Variants in RIT2 observed in about 807,000 individuals in gnomAD.
The protein encoded by RIT2 is GTP-binding protein Rit2.
Under a neutral mutation model 23.7 loss-of-function variants are expected in RIT2, and 24 were observed. The ratio of observed to expected loss-of-function variants is 1.01; its 90% CI spans 0.73 to 1.43. The LOEUF (loss-of-function observed/expected upper bound fraction) is 1.43. Among genes scored for constraint, RIT2 ranks in the 40% most tolerant of loss-of-function variants. The pLI is 0.00. For missense variants in RIT2, 236 were observed against 266.9 expected (o/e 0.88, Z 0.81); for synonymous variants, 107 against 91.1 (o/e 1.17, Z -0.99).
intron 4 of RIT2, among the ~76,000 whole-genome samples, chr18:42,804,529 T>C (rs906970677): frequency 7.9e-6 from 1 of 126,840 alleles, no homozygotes; most frequent in Non-Finnish European, 1.5e-5. Context: ...CACTCCAGCC[T>C]GGGCGACAAG....
chr18:42,927,369 GGTGTGTGTGTGTGT>G (rs60819423), intron 3 of RIT2, among the ~76,000 whole-genome samples: 2 of 147,834 alleles, frequency 1.4e-5, no homozygotes, highest in African/African-American at 2.5e-5. Context: ...ATGTGGATGT[GGTGTGTGTGTGTGT>G]GTGTGTGTGT....
chr18:42,995,864 C>T (rs144200519), intron 2 of RIT2, among the ~76,000 whole-genome samples: 2,059 of 152,272 alleles, frequency 0.014, 28 homozygotes, highest in East Asian at 0.054. Flanking sequence ...AGTCATACTC[C>T]TATTCACCAT....
At position 42,850,877 on chromosome 18, in the gene RIT2, A is replaced by G. The variant is rs566693680; in HGVS notation, c.426+72695T>C. Reference sequence around the variant, plus strand: ...ATCTCTGAAATTACTGTCACAACACATTAGGCATTCTCTTTATGACTTTGT... The same window carrying G: ...ATCTCTGAAATTACTGTCACAACACGTTAGGCATTCTCTTTATGACTTTGT... On this transcript the variant is annotated intron_variant, in intron 4 of 4. Coordinates refer to ENST00000326695, the MANE Select transcript of RIT2 (RefSeq NM_002930.4). 2.0e-5 allele frequency among the ~76,000 whole-genome samples: 3 copies of G among 152,244 alleles called. No homozygotes were observed. The East Asian group carries it at 5.8e-4, about 29-fold the overall frequency.
At chr18:42,985,181 TA>T (rs1177477443) in intron 2 of RIT2, among the ~76,000 whole-genome samples, 1 of 151,998 alleles carries the variant, frequency 6.6e-6, no homozygotes, top group Non-Finnish European at 1.5e-5. Flanking sequence ...TACCATAATA[TA>T]AAAAATTATC....
At chr18:42,752,819 T>C (rs146378661) in intron 4 of RIT2, among the ~76,000 whole-genome samples, 11 of 152,260 alleles carry the variant, frequency 7.2e-5, no homozygotes, top group African/African-American at 2.2e-4. Flanking sequence ...TTGATGCAGA[T>C]ATCATTATAC....
At chr18:42,839,701 G>T (rs1461034006) in intron 4 of RIT2, among the ~76,000 whole-genome samples, 1 of 152,122 alleles carries the variant, frequency 6.6e-6, no homozygotes, top group East Asian at 1.9e-4. Context: ...TAATATTACT[G>T]TGGCCAGATA....
intron 1 of RIT2, among the ~76,000 whole-genome samples, chr18:43,098,150 AT>A: frequency 6.6e-6 from 1 of 151,976 alleles, no homozygotes; most frequent in Non-Finnish European, 1.5e-5. Flanking sequence ...GGTTCCTTAA[AT>A]TCTCTTTTGA....
At chr18:42,869,008 C>T (rs914473356) in intron 4 of RIT2, among the ~76,000 whole-genome samples, 1 of 152,204 alleles carries the variant, frequency 6.6e-6, no homozygotes, top group Non-Finnish European at 1.5e-5. Flanking sequence ...TTGGTGAATT[C>T]TGCCCCAGAT....
chr18:43,108,471 A>G (rs1913880246), intron 1 of RIT2, among the ~76,000 whole-genome samples: 1 of 152,060 alleles, frequency 6.6e-6, no homozygotes, highest in Admixed American at 6.6e-5. Context: ...GTGACAGACC[A>G]TCAGCCAGCA....
chr18:42,856,688 T>C (rs908985320), intron 4 of RIT2, among the ~76,000 whole-genome samples: 2 of 152,148 alleles, frequency 1.3e-5, no homozygotes, highest in African/African-American at 4.8e-5. Context: ...AAATCACCCA[T>C]GTTCAATTTT....
intron 2 of RIT2, among the ~76,000 whole-genome samples, chr18:43,026,589 A>G (rs376427410): frequency 2.5e-5 from 3 of 121,280 alleles, no homozygotes; most frequent in Non-Finnish European, 5.6e-5. Context: ...AGAAAGAAAG[A>G]AAGAAAGAAA....
chr18:42,883,416 T>C (rs1413531602), intron 4 of RIT2, among the ~76,000 whole-genome samples: 1 of 152,210 alleles, frequency 6.6e-6, no homozygotes, highest in Non-Finnish European at 1.5e-5. Flanking sequence ...TGCCAAACAT[T>C]ATCATAATTC....
At chr18:42,744,573 C>CT (rs888516522) in intron 4 of RIT2, among the ~76,000 whole-genome samples, 207 of 149,522 alleles carry the variant, frequency 1.4e-3, no homozygotes, top group African/African-American at 1.9e-3. Flanking sequence ...ATTTTTTTGA[C>CT]TTTTTTTTTT....
intron 4 of RIT2, among the ~76,000 whole-genome samples, chr18:42,786,489 T>C (rs567753066): frequency 2.3e-3 from 352 of 152,318 alleles, no homozygotes; most frequent in African/African-American, 7.6e-3. Flanking sequence ...CTTATTAAAA[T>C]ATATGCAACT....
intron 4 of RIT2, among the ~76,000 whole-genome samples, chr18:42,850,988 T>C (rs1290401600): frequency 6.6e-6 from 1 of 152,218 alleles, no homozygotes; most frequent in Non-Finnish European, 1.5e-5. Flanking sequence ...TTTTCATATC[T>C]TCCACATTGC....
intron 4 of RIT2, among the ~76,000 whole-genome samples, chr18:42,808,926 T>C (rs1282594509): frequency 6.6e-6 from 1 of 152,126 alleles, no homozygotes; most frequent in Non-Finnish European, 1.5e-5. Context: ...AGCTTTACAG[T>C]AAAGATCTGG....
intron 1 of RIT2, among the ~76,000 whole-genome samples, chr18:43,108,817 A>T (rs1472164533): frequency 6.6e-6 from 1 of 152,154 alleles, no homozygotes; most frequent in East Asian, 1.9e-4. Flanking sequence ...AGTACAACTG[A>T]GGTGGTAACA....
At chr18:42,767,796 G>A (rs1480369260) in intron 4 of RIT2, among the ~76,000 whole-genome samples, 4 of 152,112 alleles carry the variant, frequency 2.6e-5, no homozygotes, top group African/African-American at 9.7e-5. Context: ...TCTTTCCCGT[G>A]CTATTCTTCT....
At chr18:43,107,995 C>T (rs1913866279) in intron 1 of RIT2, among the ~76,000 whole-genome samples, 1 of 109,076 alleles carries the variant, frequency 9.2e-6, no homozygotes. Context: ...TACCCCGTCT[C>T]TACTAAAAAT....
Sources: allele counts gnomAD v4.1 joint callset (sites outside exome capture counted in the v4.1 genomes callset), GRCh38; gene constraint gnomAD v4.1.1; transcripts MANE v1.5; gene names NCBI Gene and HGNC (gene_info 2026-07-23, HGNC 2026-07-21).